The following ATXN8OS variants were observed in gnomAD, a reference collection of about 807,000 sequenced individuals.
The protein encoded by ATXN8OS is ATXN8 opposite strand (non-protein coding).
intron 4 of ATXN8OS, among the ~76,000 whole-genome samples, chr13:70,149,818 G>A (rs1039477536): frequency 3.9e-5 from 6 of 152,056 alleles, no homozygotes; most frequent in African/African-American, 1.4e-4. Flanking sequence ...ACCACTGTGG[G>A]TATTAGTGAG....
chr13:70,124,614 A>C (rs2137478018), intron 2 of ATXN8OS, among the ~76,000 whole-genome samples: 1 of 152,238 alleles, frequency 6.6e-6, no homozygotes, highest in East Asian at 1.9e-4. Flanking sequence ...TGACTCAGTT[A>C]ACTGTGAACT....
At chr13:70,163,151 A>C (rs142165607) in intron 4 of ATXN8OS, among the ~76,000 whole-genome samples, 1,860 of 152,234 alleles carry the variant, frequency 0.012, 36 homozygotes, top group African/African-American at 0.043. Flanking sequence ...TAGTAATTAC[A>C]ATGTAACTGT....
chr13:70,124,338 AT>A (rs1299489043), intron 2 of ATXN8OS, among the ~76,000 whole-genome samples: 2 of 152,128 alleles, frequency 1.3e-5, no homozygotes, highest in African/African-American at 4.8e-5. Flanking sequence ...TAAGTAAATA[AT>A]GTCACGAGGT....
At chr13:70,144,394 T>C (rs1172849794) in intron 3 of ATXN8OS, among the ~76,000 whole-genome samples, 3 of 152,154 alleles carry the variant, frequency 2.0e-5, no homozygotes, top group Non-Finnish European at 4.4e-5. Context: ...TTTGTCCTAG[T>C]AACCTAGTTG....
At chr13:70,133,789 G>A (rs1432532639) in intron 3 of ATXN8OS, among the ~76,000 whole-genome samples, 1 of 152,044 alleles carries the variant, frequency 6.6e-6, no homozygotes, top group African/African-American at 2.4e-5. Flanking sequence ...AAAATATATG[G>A]TCCTGCTCAC....
intron 4 of ATXN8OS, among the ~76,000 whole-genome samples, chr13:70,159,140 TAATTA>T (rs1161572730): frequency 6.6e-6 from 1 of 151,804 alleles, no homozygotes; most frequent in African/African-American, 2.4e-5. Context: ...TACTAATTAC[TAATTA>T]ATTTATTTTC....
At position 70,126,022 on chromosome 13, in the gene ATXN8OS, C is replaced by T. The variant is rs545816013; in HGVS notation, n.399-3762C>T. On this transcript the variant is annotated intron_variant and non_coding_transcript_variant, in intron 2 of 4. Transcript: ENST00000678624. ...TCATCTGGTGCTACTAACGCAGGCT[C>T]GCAATTGCCATCCTGACTATTACAA... 9.1e-4 allele frequency among the ~76,000 whole-genome samples: 139 copies of T among 152,156 alleles called. 1 individual carries two copies. Among genetic ancestry groups the T allele is most frequent in the Non-Finnish European group, 1.4e-3 (98 of 68,006 alleles).
intron 1 of ATXN8OS, among the ~76,000 whole-genome samples, chr13:70,112,961 C>T (rs1049383551): frequency 1.6e-5 from 2 of 124,650 alleles, no homozygotes; most frequent in Admixed American, 1.1e-4. Context: ...CTCGCTCTGT[C>T]GCCGAGGCTG....
At chr13:70,170,774 T>G (rs2498525) in exon 5 of ATXN8OS, among the ~76,000 whole-genome samples, 36,001 of 152,022 alleles carry the variant, frequency 0.24, 4,672 homozygotes, top group African/African-American at 0.32. Context: ...AATGCATTAT[T>G]AGGTGATTGT....
intron 3 of ATXN8OS, among the ~76,000 whole-genome samples, chr13:70,142,074 G>A (rs1241082521): frequency 6.6e-6 from 1 of 152,084 alleles, no homozygotes; most frequent in African/African-American, 2.4e-5. Flanking sequence ...ACAAGAGACA[G>A]GGTTTCTCCA....
intron 1 of ATXN8OS, among the ~76,000 whole-genome samples, chr13:70,111,570 C>T (rs1888199072): frequency 1.3e-5 from 2 of 152,068 alleles, no homozygotes; most frequent in Admixed American, 1.3e-4. Context: ...CCAATCACCT[C>T]CTAAATGCCC....
chr13:70,142,801 G>A (rs549037820), intron 3 of ATXN8OS, among the ~76,000 whole-genome samples: 12 of 152,110 alleles, frequency 7.9e-5, no homozygotes, highest in African/African-American at 2.9e-4. Context: ...GCGGCCGGCC[G>A]CAGGGCTCAT....
At chr13:70,164,134 T>C (rs1293003891) in intron 4 of ATXN8OS, among the ~76,000 whole-genome samples, 3 of 149,808 alleles carry the variant, frequency 2.0e-5, no homozygotes, top group Non-Finnish European at 4.5e-5. Context: ...ATATTAATAA[T>C]AATAACCAAA....
At chr13:70,117,893 T>G (rs1335573363) in intron 2 of ATXN8OS, among the ~76,000 whole-genome samples, 1 of 152,244 alleles carries the variant, frequency 6.6e-6, no homozygotes, top group African/African-American at 2.4e-5. Context: ...CAATACTTAG[T>G]TGGCTTTGCA....
intron 4 of ATXN8OS, among the ~76,000 whole-genome samples, chr13:70,149,932 C>T (rs536527084): frequency 3.1e-4 from 47 of 152,156 alleles, no homozygotes; most frequent in African/African-American, 1.1e-3. Flanking sequence ...ACAATGAAGG[C>T]AGAGAGGAAG....
intron 4 of ATXN8OS, among the ~76,000 whole-genome samples, chr13:70,150,061 A>G (rs1233104233): frequency 6.6e-6 from 1 of 152,094 alleles, no homozygotes; most frequent in Non-Finnish European, 1.5e-5. Context: ...TCCCTTAAAC[A>G]CGAGTGATGT....
chr13:70,125,747 T>A (rs1483820538), intron 2 of ATXN8OS, among the ~76,000 whole-genome samples: 1 of 152,152 alleles, frequency 6.6e-6, no homozygotes, highest in Non-Finnish European at 1.5e-5. Flanking sequence ...TCTCTATCAA[T>A]CAGTTGCAGA....
rs544943647 is a variant in ATXN8OS, at chr13:70,147,051, G to T, written n.500-304G>T. 9.2e-5 allele frequency among the ~76,000 whole-genome samples: 14 copies of T among 152,254 alleles called. No individual in the cohort carries two copies. The East Asian group carries it at 2.3e-3, about 25-fold the overall frequency. On this transcript the variant is annotated intron_variant and non_coding_transcript_variant, in intron 3 of 4. Transcript: ENST00000678624. ...TGTTTTTGCAAATGGGAATGACTGTGTTGTGTGCCTTCTTTTGGATATGTT... is the reference window on the plus strand; with the variant it reads ...TGTTTTTGCAAATGGGAATGACTGTTTTGTGTGCCTTCTTTTGGATATGTT...
At chr13:70,143,952 T>C (rs1328767689) in intron 3 of ATXN8OS, among the ~76,000 whole-genome samples, 1 of 152,114 alleles carries the variant, frequency 6.6e-6, no homozygotes, top group Non-Finnish European at 1.5e-5. Context: ...TTTTTATGTA[T>C]AGCCAAAGCG....
Sources: gnomAD v4.1 joint callset for allele counts (sites outside exome capture counted in the v4.1 genomes callset) on GRCh38, gnomAD v4.1.1 for gene constraint, MANE v1.5 for transcripts, NCBI Gene and HGNC (gene_info 2026-07-23, HGNC 2026-07-21) for gene names.